Variants in CCDC57 observed in about 807,000 individuals in gnomAD.
CCDC57 encodes the protein coiled-coil domain containing 57, also known as coiled-coil domain-containing protein 57.
In CCDC57, 118 loss-of-function variants were observed where a neutral mutation model predicts 118.9. That is an observed-to-expected ratio of 0.99 (90% CI 0.86 to 1.16). The LOEUF (loss-of-function observed/expected upper bound fraction) is 1.16. Among genes scored for constraint, CCDC57 ranks in the 50% most tolerant of loss-of-function variants. The probability of loss-of-function intolerance (pLI) is 0.00; values close to 1 mark genes in which losing one functional copy is unlikely to be tolerated. For missense variants in CCDC57, 1,300 were observed against 1,320.7 expected (o/e 0.98, Z 0.24); for synonymous variants, 527 against 532.9 (o/e 0.99, Z 0.15).
chr17:82,193,676 C>A, intron 7 of CCDC57, 80 bp downstream of exon 6: 6 of 1,293,510 alleles, frequency 4.6e-6, no homozygotes, highest in Non-Finnish European at 6.6e-6. Flanking sequence ...GCTCCCTGGG[C>A]CATCAGCACA....
chr17:82,152,758 C>T (rs1278562345), intron 15 of CCDC57, among the ~76,000 whole-genome samples: 1 of 152,242 alleles, frequency 6.6e-6, no homozygotes, highest in Non-Finnish European at 1.5e-5. Flanking sequence ...ACCCTGTCCC[C>T]GCCAGCTTCC....
intron 14 of CCDC57, among the ~76,000 whole-genome samples, chr17:82,161,851 G>A (rs1466368515): frequency 6.6e-6 from 1 of 152,138 alleles, no homozygotes; most frequent in Non-Finnish European, 1.5e-5. Flanking sequence ...TGTGCTTAAT[G>A]CCACTGAAAG....
intron 17 of CCDC57, among the ~76,000 whole-genome samples, chr17:82,131,459 A>T (rs1471888773): frequency 6.6e-6 from 1 of 151,574 alleles, no homozygotes; most frequent in East Asian, 2.0e-4. Context: ...AAATAAATAC[A>T]TGCCGGGCCT....
At chr17:82,196,497 G>T (rs1289092411) in intron 4 of CCDC57, among the ~76,000 whole-genome samples, 1 of 152,188 alleles carries the variant, frequency 6.6e-6, no homozygotes, top group Non-Finnish European at 1.5e-5. Context: ...ATCATGACGT[G>T]AGCGTGGCCT....
chr17:82,117,824 A>G (rs9894129), intron 19 of CCDC57, among the ~76,000 whole-genome samples: 80,195 of 151,974 alleles, frequency 0.53, 21,951 homozygotes, highest in Non-Finnish European at 0.57. Flanking sequence ...TGCAACCAGG[A>G]GCAGGGGGCC....
rs755409077 is a variant in CCDC57 at position 82,172,767 on chromosome 17, C to T, written c.1600G>A (p.Ala534Thr). The change falls in exon 12 of 20, where the codon GCG becomes ACG. Residue 534 changes from alanine (A) to threonine (T), a missense_variant. Coordinates refer to ENST00000665763, the Ensembl canonical transcript of CCDC57. This position sits in a 1 kb window ranked among gnomAD's most constrained non-coding sequence, Gnocchi z 5.2. ...ATTTCTTTCCTCATCTGGGCAATCG[C>T]GTTTCGCAAGCTCGTGTTCTGCTCT... 9.3e-6 allele frequency: 15 copies of T among 1,612,648 alleles called. No individual in the cohort carries two copies. Among genetic ancestry groups the T allele is most frequent in the Admixed American group, 5.0e-5 (3 of 59,850 alleles).
At chr17:82,107,667 C>G in intron 19 of CCDC57, 1 of 459,764 alleles carries the variant, frequency 2.2e-6, no homozygotes, top group South Asian at 1.6e-5. Context: ...AAGAAACACC[C>G]CCTGCTGTCC....
chr17:82,151,709 G>A (rs2042089337), exon 16 of CCDC57: 1 of 1,550,220 alleles, frequency 6.5e-7, no homozygotes, highest in African/African-American at 1.4e-5. Flanking sequence ...ACGTGCCACT[G>A]ACCGGAGGTG....
chr17:82,126,678 C>T (rs375714278), intron 19 of CCDC57: 81 of 985,338 alleles, frequency 8.2e-5, no homozygotes, highest in East Asian at 1.1e-4. Context: ...GAGGCTGAGG[C>T]GATGCTGTCC....
At chr17:82,122,702 G>A (rs1186200671) in intron 19 of CCDC57, among the ~76,000 whole-genome samples, 3 of 152,172 alleles carry the variant, frequency 2.0e-5, no homozygotes, top group Non-Finnish European at 4.4e-5. Flanking sequence ...TCTGGCTTCG[G>A]TGCCCACCTC....
chr17:82,210,159 T>C (rs1420091829), intron 1 of CCDC57, among the ~76,000 whole-genome samples: 1 of 151,990 alleles, frequency 6.6e-6, no homozygotes, highest in Non-Finnish European at 1.5e-5. Flanking sequence ...AAGTACGTGA[T>C]AGCGATGGGT....
intron 12 of CCDC57, 57 bp from the exon 12 acceptor site, chr17:82,171,910 C>A: frequency 1.3e-6 from 2 of 1,568,926 alleles, no homozygotes; most frequent in Non-Finnish European, 1.7e-6. Context: ...TCGCACCTCC[C>A]TCCTGTGAGC....
chr17:82,132,090 C>A (rs1438200809), intron 17 of CCDC57, among the ~76,000 whole-genome samples: 5 of 147,946 alleles, frequency 3.4e-5, no homozygotes, highest in African/African-American at 1.3e-4. Context: ...TGCACTCCAG[C>A]CTTGGGTGAC....
At chr17:82,136,483 T>C (rs767947038) in intron 16 of CCDC57, among the ~76,000 whole-genome samples, 17 of 151,546 alleles carry the variant, frequency 1.1e-4, no homozygotes, top group Non-Finnish European at 2.5e-4. Flanking sequence ...GAACAAATGA[T>C]GATGCTCGCA....
At chr17:82,179,238 C>A (rs761386689) in intron 9 of CCDC57, 49 bp from the exon 9 acceptor site, 1 of 1,574,112 alleles carries the variant, frequency 6.4e-7, no homozygotes, top group Non-Finnish European at 8.6e-7. Flanking sequence ...GAGGTCCCTT[C>A]CACAGGAAAA....
chr17:82,125,438 C>T (rs530714334), intron 19 of CCDC57, among the ~76,000 whole-genome samples: 2 of 151,410 alleles, frequency 1.3e-5, no homozygotes, highest in South Asian at 4.2e-4. Context: ...TGCAGTGGTA[C>T]AATCTCAGCT....
At chr17:82,101,704 C>G (rs759817567) in exon 20 of CCDC57, 1 of 1,607,482 alleles carries the variant, frequency 6.2e-7, no homozygotes, top group South Asian at 1.1e-5. Flanking sequence ...GTTGTAGTTA[C>G]GGATCTTGGG....
chr17:82,210,291 CAG>C (rs1350920754), intron 1 of CCDC57, among the ~76,000 whole-genome samples: 1 of 151,694 alleles, frequency 6.6e-6, no homozygotes, highest in African/African-American at 2.4e-5. Flanking sequence ...GTAATGGAAA[CAG>C]AAAAATCATT....
intron 14 of CCDC57, among the ~76,000 whole-genome samples, chr17:82,158,950 T>G (rs67106357): frequency 0.47 from 71,006 of 151,906 alleles, 17,393 homozygotes; most frequent in East Asian, 0.88. Context: ...CCATCTGGGC[T>G]CAAGCAACCC....
Sources: allele counts gnomAD v4.1 joint callset (sites outside exome capture counted in the v4.1 genomes callset), GRCh38; gene constraint gnomAD v4.1.1; non-coding constraint Gnocchi (gnomAD v3.1); transcripts MANE v1.5; gene names NCBI Gene and HGNC (gene_info 2026-07-23, HGNC 2026-07-21).